Variants in SH3KBP1 observed in about 807,000 individuals in gnomAD.
SH3KBP1 encodes the protein SH3 domain containing kinase binding protein 1.
SH3KBP1 carries 8 observed loss-of-function variants against 50.1 expected under a neutral mutation model. The ratio of observed to expected loss-of-function variants is 0.16; its 90% CI spans 0.09 to 0.29. The LOEUF (loss-of-function observed/expected upper bound fraction) is 0.29. Among genes scored for constraint, SH3KBP1 ranks in the 10% least tolerant of loss-of-function variants. The pLI is 1.00. For synonymous variants in SH3KBP1, 227 were observed against 218.6 expected (o/e 1.04, Z -0.34); for missense variants, 377 against 535.2 (o/e 0.70, Z 2.92).
intron 7 of SH3KBP1, among the ~76,000 whole-genome samples, chrX:19,633,632 T>C (rs769286573): frequency 8.9e-6 from 1 of 112,367 alleles, no homozygotes; most frequent in Non-Finnish European, 1.9e-5. Flanking sequence ...TACAGAGTCC[T>C]GGCTTTAAGA....
chrX:19,550,034 A>G lies in SH3KBP1; in HGVS notation c.1434T>C (p.His478=), dbSNP rs752327397. 5.0e-6 allele frequency: 6 copies of G among 1,208,905 alleles called. No homozygotes were observed. The Admixed American group carries it at 6.6e-5, about 13-fold the overall frequency. The change falls in exon 14 of 18, where the codon CAT becomes CAC. Residue 478 remains histidine (H), a synonymous_variant. Transcript: ENST00000397821. ...SVVSSTEKLS[H]PTTSRPKATG... ...TAGCTTTTGGTCTGCTTGTGGTCGG[A>G]TGACTGAGTTTCTCAGTAGATGATA...
At chrX:19,813,439 A>G (rs904060963) in intron 2 of SH3KBP1, among the ~76,000 whole-genome samples, 2 of 111,297 alleles carry the variant, frequency 1.8e-5, no homozygotes, top group African/African-American at 6.5e-5. Context: ...TGACGATCAC[A>G]ATCAAGCTAA....
At chrX:19,880,617 TG>T (rs1390709001) in intron 1 of SH3KBP1, among the ~76,000 whole-genome samples, 1 of 112,467 alleles carries the variant, frequency 8.9e-6, no homozygotes, top group Non-Finnish European at 1.9e-5. Context: ...ACAAGCGGTG[TG>T]GGAGGCTGAA....
chrX:19,578,098 A>G (rs1430229983), intron 12 of SH3KBP1, among the ~76,000 whole-genome samples: 2 of 112,129 alleles, frequency 1.8e-5, no homozygotes, highest in African/African-American at 6.5e-5. Context: ...TGGATGTCAA[A>G]TGTGCAGATC....
chrX:19,558,783 A>G, intron 13 of SH3KBP1, among the ~76,000 whole-genome samples: 1 of 112,254 alleles, frequency 8.9e-6, no homozygotes, highest in Non-Finnish European at 1.9e-5. Context: ...TTAGTATACA[A>G]ATGATCAGAA....
At chrX:19,541,632 C>A (rs1312118879) in intron 16 of SH3KBP1, among the ~76,000 whole-genome samples, 2 of 112,675 alleles carry the variant, frequency 1.8e-5, no homozygotes, top group Non-Finnish European at 3.8e-5. Context: ...AAATGCTTTT[C>A]TTCTTAGCAG....
intron 12 of SH3KBP1, 54 bp from the exon 13 acceptor site, chrX:19,569,242 T>C: frequency 9.6e-7 from 1 of 1,040,894 alleles, no homozygotes; most frequent in Non-Finnish European, 1.3e-6. Flanking sequence ...GTCCTTGTCA[T>C]TCTGTCAGTT....
At chrX:19,635,297 T>A (rs1384680392) in intron 7 of SH3KBP1, among the ~76,000 whole-genome samples, 1 of 110,451 alleles carries the variant, frequency 9.1e-6, no homozygotes, top group East Asian at 2.8e-4. Context: ...GAAGCCATCA[T>A]CCTCAGCAGA....
chrX:19,757,076 T>C, intron 2 of SH3KBP1, among the ~76,000 whole-genome samples: 1 of 110,445 alleles, frequency 9.1e-6, no homozygotes, highest in Non-Finnish European at 1.9e-5. Flanking sequence ...CTATTCAAAA[T>C]TTTAATTAAC....
intron 6 of SH3KBP1, among the ~76,000 whole-genome samples, chrX:19,667,606 G>A (rs1005517819): frequency 5.4e-5 from 6 of 111,225 alleles, no homozygotes; most frequent in African/African-American, 9.8e-5. Context: ...TCCAGCCTGG[G>A]TGACAGAGTG....
chrX:19,708,750 A>G (rs756720741), intron 3 of SH3KBP1, among the ~76,000 whole-genome samples: 14 of 111,987 alleles, frequency 1.3e-4, no homozygotes, highest in Non-Finnish European at 2.6e-4. Flanking sequence ...ATGAAGTTCT[A>G]CTACCAATCT....
At chrX:19,868,144 T>C (rs1412210497) in intron 1 of SH3KBP1, among the ~76,000 whole-genome samples, 1 of 112,134 alleles carries the variant, frequency 8.9e-6, no homozygotes, top group African/African-American at 3.2e-5. Context: ...CTGGCCACGA[T>C]GTGCTAGTGT....
intron 2 of SH3KBP1, among the ~76,000 whole-genome samples, chrX:19,824,532 C>T (rs2067619132): frequency 9.0e-6 from 1 of 111,607 alleles, no homozygotes; most frequent in Admixed American, 9.5e-5. Flanking sequence ...GTTAGAGACA[C>T]ACTGACATGG....
chrX:19,756,333 C>T (rs944232128), intron 2 of SH3KBP1, among the ~76,000 whole-genome samples: 19 of 111,316 alleles, frequency 1.7e-4, no homozygotes, highest in African/African-American at 5.9e-4. Flanking sequence ...CAGCATGTGA[C>T]GTAGTGCCTG....
intron 4 of SH3KBP1, among the ~76,000 whole-genome samples, chrX:19,701,458 A>G (rs978789232): frequency 1.6e-4 from 18 of 110,932 alleles, no homozygotes; most frequent in African/African-American, 3.6e-4. Flanking sequence ...CTCTACACCT[A>G]AAGTATTAGG....
chrX:19,777,733 G>A (rs1276129820), intron 2 of SH3KBP1, among the ~76,000 whole-genome samples: 2 of 111,213 alleles, frequency 1.8e-5, no homozygotes, highest in Admixed American at 1.9e-4. Context: ...GGGAAGAGGG[G>A]CAATGAGGGG....
At chrX:19,739,017 A>G (rs1309071337) in intron 3 of SH3KBP1, among the ~76,000 whole-genome samples, 1 of 103,346 alleles carries the variant, frequency 9.7e-6, no homozygotes, top group Non-Finnish European at 2.0e-5. Flanking sequence ...CCTCCAAGAA[A>G]AAAAAAAAAA....
chrX:19,774,627 C>T (rs1331789570), intron 2 of SH3KBP1, among the ~76,000 whole-genome samples: 2 of 99,477 alleles, frequency 2.0e-5, no homozygotes, highest in Non-Finnish European at 2.0e-5. Context: ...GCCGAGTTCA[C>T]GCCACTGCAC....
intron 2 of SH3KBP1, among the ~76,000 whole-genome samples, chrX:19,823,817 T>C (rs1192091966): frequency 1.8e-5 from 2 of 111,437 alleles, no homozygotes; most frequent in African/African-American, 6.6e-5. Context: ...AATGTATTAA[T>C]TCTCTTTGGT....
Sources: gnomAD v4.1 joint callset for allele counts (sites outside exome capture counted in the v4.1 genomes callset) on GRCh38, gnomAD v4.1.1 for gene constraint, MANE v1.5 for transcripts, NCBI Gene and HGNC (gene_info 2026-07-23, HGNC 2026-07-21) for gene names.